The following PHACTR3 variants were observed in gnomAD, a reference collection of about 807,000 sequenced individuals.
The protein encoded by PHACTR3 is phosphatase and actin regulator 3, also known as protein phosphatase 1, regulatory subunit 123.
PHACTR3 carries 16 observed loss-of-function variants against 66.8 expected under a neutral mutation model. That is an observed-to-expected ratio of 0.24 (90% CI 0.16 to 0.36). The LOEUF is 0.36. Ranked by LOEUF, PHACTR3 falls within the 10% of genes least tolerant of loss-of-function variation. The probability of loss-of-function intolerance (pLI) is 1.00; values close to 1 mark genes in which losing one functional copy is unlikely to be tolerated. For missense variants in PHACTR3, 647 were observed against 719.9 expected, an observed-to-expected ratio of 0.90 and a Z score of 1.16; for synonymous variants, 323 against 292.1, an observed-to-expected ratio of 1.11 and a Z score of -1.08.
intron 1 of PHACTR3, among the ~76,000 whole-genome samples, chr20:59,718,722 G>C (rs1407025): frequency 0.4 from 60,206 of 152,068 alleles, 13,029 homozygotes; most frequent in Middle Eastern, 0.52. Context: ...GTTTTAAATG[G>C]TTCAATCTAA....
intron 7 of PHACTR3, among the ~76,000 whole-genome samples, chr20:59,782,611 G>A (rs1182508): frequency 0.73 from 110,796 of 152,072 alleles, 45,175 homozygotes; most frequent in Non-Finnish European, 0.92. Flanking sequence ...CACAATCATG[G>A]TGGCAGGCAA....
At chr20:59,582,930 C>A (rs2032904221) in intron 1 of PHACTR3, among the ~76,000 whole-genome samples, 1 of 151,166 alleles carries the variant, frequency 6.6e-6, no homozygotes, top group Non-Finnish European at 1.5e-5. Context: ...ATGTATCCAG[C>A]TTTTTTTTTG....
At chr20:59,722,332 C>T (rs1418783609) in intron 1 of PHACTR3, among the ~76,000 whole-genome samples, 3 of 152,124 alleles carry the variant, frequency 2.0e-5, no homozygotes, top group East Asian at 3.9e-4. Flanking sequence ...GTGCAGTGGG[C>T]ATTCAGGGGT....
At position 59,628,633 on chromosome 20, in the gene PHACTR3, C is replaced by T. The variant is rs145389190; in HGVS notation, c.118+23501C>T. On this transcript the variant is annotated intron_variant, in intron 1 of 12. Coordinates refer to ENST00000371015, the MANE Select transcript of PHACTR3 (RefSeq NM_080672.5). ...CAAAAACACAAAGAAACAAAAAGTA[C>T]GGGAGAGGATCAGTTCATTCTCCTG... 2,083 of 985,326 alleles carry T rather than the reference C, an allele frequency of 2.1e-3. 4 individuals carry two copies. Among genetic ancestry groups the T allele is most frequent in the Middle Eastern group, 6.3e-3 (12 of 1,914 alleles). 61.0% of individuals were successfully genotyped at this position (985,326 alleles called of 1,614,324 possible). A position where few individuals can be genotyped will look rare whatever the true frequency, so the allele number is the denominator to read the frequency against.
At chr20:59,635,194 C>CTTTCTTTCTTTCTT (rs33980731) in intron 1 of PHACTR3, among the ~76,000 whole-genome samples, 8 of 54,976 alleles carry the variant, frequency 1.5e-4, no homozygotes, top group East Asian at 7.8e-4. Flanking sequence ...TTCTTTCTTT[C>CTTTCTTTCTTTCTT]TCTTTCTTTC....
At chr20:59,586,905 A>G (rs1600867374) in intron 1 of PHACTR3, among the ~76,000 whole-genome samples, 2 of 152,228 alleles carry the variant, frequency 1.3e-5, no homozygotes, top group East Asian at 3.8e-4. Flanking sequence ...GAGCCTGGAC[A>G]GTCTGCTGGA....
At chr20:59,618,680 G>A (rs1342489391) in intron 1 of PHACTR3, among the ~76,000 whole-genome samples, 2 of 152,250 alleles carry the variant, frequency 1.3e-5, no homozygotes, top group African/African-American at 4.8e-5. Flanking sequence ...GCTCCTCCCA[G>A]GATCCTCATG....
At chr20:59,663,434 G>A (rs948583946) in intron 1 of PHACTR3, among the ~76,000 whole-genome samples, 3 of 152,206 alleles carry the variant, frequency 2.0e-5, no homozygotes, top group Non-Finnish European at 4.4e-5. Flanking sequence ...ACATGGACGT[G>A]TGAGTAAGTG....
intron 3 of PHACTR3, among the ~76,000 whole-genome samples, chr20:59,754,208 A>T (rs2039702737): frequency 6.6e-6 from 1 of 152,202 alleles, no homozygotes; most frequent in Admixed American, 6.5e-5. Flanking sequence ...CCAAGTGCTG[A>T]GCCCCTCAGC....
chr20:59,608,576 C>A (rs751629676), intron 1 of PHACTR3, among the ~76,000 whole-genome samples: 3 of 152,208 alleles, frequency 2.0e-5, no homozygotes, highest in Non-Finnish European at 2.9e-5. Context: ...GGCCCCAGCA[C>A]GATGGTGGCC....
chr20:59,640,178 A>G (rs1029035989), intron 1 of PHACTR3, among the ~76,000 whole-genome samples: 1 of 152,188 alleles, frequency 6.6e-6, no homozygotes, highest in Non-Finnish European at 1.5e-5. Flanking sequence ...AAGATTCTTA[A>G]CCTTGGATGG....
chr20:59,589,213 T>C (rs1375910280), intron 1 of PHACTR3, among the ~76,000 whole-genome samples: 1 of 152,260 alleles, frequency 6.6e-6, no homozygotes, highest in Non-Finnish European at 1.5e-5. Context: ...CCGTGGGCTT[T>C]GGAAGACCCT....
chr20:59,773,810 T>A (rs979686771), intron 6 of PHACTR3, among the ~76,000 whole-genome samples: 1 of 152,212 alleles, frequency 6.6e-6, no homozygotes, highest in African/African-American at 2.4e-5. Context: ...GGCTTCATAG[T>A]TGTCACTGGG....
At chr20:59,788,352 C>T (rs2040987207) in intron 7 of PHACTR3, among the ~76,000 whole-genome samples, 1 of 152,180 alleles carries the variant, frequency 6.6e-6, no homozygotes, top group African/African-American at 2.4e-5. Flanking sequence ...GGGATAGTGA[C>T]ACTTCCCTTA....
At chr20:59,615,790 G>C (rs1231305871) in intron 1 of PHACTR3, among the ~76,000 whole-genome samples, 2 of 152,216 alleles carry the variant, frequency 1.3e-5, no homozygotes, top group East Asian at 3.8e-4. Flanking sequence ...GATTCTGTTA[G>C]CCTATTGGCC....
chr20:59,782,891 C>T (rs538798520), intron 7 of PHACTR3, among the ~76,000 whole-genome samples: 13 of 152,104 alleles, frequency 8.5e-5, no homozygotes, highest in Non-Finnish European at 1.5e-4. Flanking sequence ...ACATGGAGAA[C>T]GTTACACGGA....
At chr20:59,846,811 T>G (rs1049832983) in intron 12 of PHACTR3, among the ~76,000 whole-genome samples, 2 of 152,156 alleles carry the variant, frequency 1.3e-5, no homozygotes, top group Admixed American at 6.5e-5. Flanking sequence ...ATTAACAAAT[T>G]CATCATTTCT....
intron 1 of PHACTR3, chr20:59,628,476 T>A (rs2034541221): frequency 4.4e-6 from 1 of 226,070 alleles, no homozygotes; most frequent in Non-Finnish European, 7.4e-6. Flanking sequence ...CCCCGCAGCC[T>A]GCACGTGAAT....
chr20:59,755,310 G>A lies in PHACTR3; in HGVS notation c.487G>A (p.Asp163Asn), dbSNP rs2039746141. Residue 163 changes from aspartate (D) to asparagine (N), a missense_variant, in exon 4 of 13, where the codon GAC becomes AAC. Coordinates refer to ENST00000371015, the MANE Select transcript of PHACTR3 (RefSeq NM_080672.5). ...QPGSPLATGT[D>N]QVSLDKPLSS... ...CGGAAGCCCCTTGGCCACTGGGACG[G>A]ACCAGGTCTCCCTGGACAAGCCACT... is the stretch of plus-strand genomic sequence containing the variant. 1.2e-6 allele frequency: 2 copies of A among 1,612,880 alleles called. No homozygotes were observed. The highest frequency in any genetic ancestry group is 1.7e-6 in the Non-Finnish European group (2 of 1,179,948).
Sources: gnomAD v4.1 joint callset for allele counts (sites outside exome capture counted in the v4.1 genomes callset) on GRCh38, gnomAD v4.1.1 for gene constraint, MANE v1.5 for transcripts, NCBI Gene and HGNC (gene_info 2026-07-23, HGNC 2026-07-21) for gene names.